Variants in DGKI observed in about 807,000 individuals in gnomAD.
DGKI encodes DAG kinase iota.
DGKI carries 55 observed loss-of-function variants against 147.5 expected under a neutral mutation model. The ratio of observed to expected loss-of-function variants is 0.37; its 90% CI spans 0.30 to 0.47. The LOEUF is 0.47. DGKI is among the 20% of genes least tolerant of loss of function. The pLI, the probability that DGKI is intolerant of heterozygous loss-of-function variation, is 1.00. For synonymous variants in DGKI, 469 were observed against 477.1 expected (o/e 0.98, Z 0.22); for missense variants, 1,007 against 1,323.8 (o/e 0.76, Z 3.71).
intron 1 of DGKI, among the ~76,000 whole-genome samples, chr7:137,730,956 C>T (rs1361533931): frequency 9.2e-5 from 14 of 152,062 alleles, no homozygotes; most frequent in Admixed American, 5.9e-4. Context: ...CTTCCAAGGG[C>T]TTCTCATTTC....
chr7:137,612,736 A>G (rs1196689050), intron 8 of DGKI, among the ~76,000 whole-genome samples: 1 of 152,128 alleles, frequency 6.6e-6, no homozygotes, highest in East Asian at 1.9e-4. Flanking sequence ...GATATATGCA[A>G]GAAACCTGTA....
chr7:137,603,425 A>G (rs1016627361), intron 10 of DGKI, among the ~76,000 whole-genome samples: 12 of 152,214 alleles, frequency 7.9e-5, no homozygotes, highest in African/African-American at 2.9e-4. Context: ...AAATACATTA[A>G]TGAGAGGAAG....
chr7:137,534,654 TA>T (rs948589157), intron 20 of DGKI, among the ~76,000 whole-genome samples: 2 of 152,054 alleles, frequency 1.3e-5, no homozygotes, highest in African/African-American at 4.8e-5. Flanking sequence ...TACCCTTTAA[TA>T]AAAAAATATT....
intron 32 of DGKI, among the ~76,000 whole-genome samples, chr7:137,393,444 G>C (rs13222414): frequency 0.28 from 43,219 of 151,944 alleles, 7,052 homozygotes; most frequent in Admixed American, 0.36. Flanking sequence ...CCTTTGTGTG[G>C]TAAAGAGGCA....
chr7:137,647,225 T>C (rs1821857419), intron 5 of DGKI, among the ~76,000 whole-genome samples: 1 of 152,220 alleles, frequency 6.6e-6, no homozygotes, highest in Non-Finnish European at 1.5e-5. Flanking sequence ...TGCCACTTAG[T>C]TGGAATATAT....
At chr7:137,406,732 C>T (rs1811961846) in intron 30 of DGKI, among the ~76,000 whole-genome samples, 1 of 152,128 alleles carries the variant, frequency 6.6e-6, no homozygotes, top group Admixed American at 6.5e-5. Flanking sequence ...GGACTTAAAA[C>T]AGCTCCATAT....
rs184990116 is a variant in DGKI, at chr7:137,610,904, T to G, written c.994-1295A>C. 5.9e-5 allele frequency among the ~76,000 whole-genome samples: 9 copies of G among 152,322 alleles called. No homozygotes were observed. In the East Asian group the frequency reaches 1.7e-3, roughly 29 times the overall value. On this transcript the variant is annotated intron_variant, in intron 8 of 32. Transcript: ENST00000614521. ...AGGGAAATTTTCAAGAACTACCATC[T>G]GTCCCAAGGTTTTCTTTCCCATCAG... is the stretch of plus-strand genomic sequence containing the variant.
chr7:137,771,603 T>C (rs759884667), intron 1 of DGKI: 1 of 152,242 alleles, frequency 6.6e-6, no homozygotes, highest in Non-Finnish European at 1.5e-5. Flanking sequence ...TGCATCTTTA[T>C]CTCAATAATA....
chr7:137,609,623 G>GAGAA lies in DGKI; in HGVS notation c.994-18_994-15dup. ...CTTCAGGGAGTTCTGTAGGGAGAGA[G>GAGAA]AGAAATGCCTGAGCTCAGAGGCAGC... On this transcript the variant is annotated splice_polypyrimidine_tract_variant and intron_variant, in intron 8 of 32. Transcript: ENST00000614521. The GAGAA allele has an allele frequency of 6.2e-7, 1 of 1,606,800 alleles. No homozygotes were observed. The highest frequency in any genetic ancestry group is 1.1e-5 in the South Asian group (1 of 90,762).
At chr7:137,437,922 C>G (rs2128914396) in intron 28 of DGKI, among the ~76,000 whole-genome samples, 1 of 152,222 alleles carries the variant, frequency 6.6e-6, no homozygotes, top group East Asian at 1.9e-4. Flanking sequence ...TGACCTTTAT[C>G]TCTTACCAAA....
intron 19 of DGKI, among the ~76,000 whole-genome samples, chr7:137,554,099 C>G (rs1351690335): frequency 6.6e-6 from 1 of 152,212 alleles, no homozygotes; most frequent in Non-Finnish European, 1.5e-5. Flanking sequence ...AATGCCGCCC[C>G]TACCGGCATT....
At position 137,458,414 on chromosome 7, in the gene DGKI, G is replaced by T. The variant is rs371057861; in HGVS notation, c.2735+5075C>A. On this transcript the variant is annotated intron_variant, in intron 27 of 32. Coordinates refer to ENST00000614521, the MANE Select transcript of DGKI (RefSeq NM_001321708.2). ...TCTAGTGGCAAGATATTATTTGTGT[G>T]ACAGTCCATTTTAGTTCTTTCAGGA... 4.5e-4 allele frequency among the ~76,000 whole-genome samples: 68 copies of T among 152,140 alleles called. 1 individual carries two copies. Among genetic ancestry groups the T allele is most frequent in the Admixed American group, 4.5e-3 (68 of 15,274 alleles).
rs1479802007 is a variant in DGKI, at chr7:137,385,131, T to C, written c.*6089A>G. 6.6e-6 allele frequency: 1 copy of C among 152,122 alleles called. No individual in the cohort carries two copies. Among genetic ancestry groups the C allele is most frequent in the Non-Finnish European group, 1.5e-5 (1 of 68,000 alleles). 9.4% of individuals were successfully genotyped at this position (152,122 alleles called of 1,614,324 possible). On this transcript the variant is annotated 3_prime_UTR_variant, in exon 33 of 33. Transcript: ENST00000614521. Reference sequence around the variant, plus strand: ...AGTAAGACAGATTTCTAATAGAATTTTACTTGACAATGACTAAGAATACTG... The same window carrying C: ...AGTAAGACAGATTTCTAATAGAATTCTACTTGACAATGACTAAGAATACTG...
chr7:137,394,121 T>C (rs957876052), intron 32 of DGKI, among the ~76,000 whole-genome samples: 7 of 152,156 alleles, frequency 4.6e-5, no homozygotes, highest in Non-Finnish European at 1.0e-4. Context: ...CATTCTTTCC[T>C]GGAGTCTACC....
chr7:137,472,225 A>G (rs1308119525), intron 23 of DGKI, among the ~76,000 whole-genome samples: 3 of 110,594 alleles, frequency 2.7e-5, no homozygotes, highest in Middle Eastern at 0.013. Flanking sequence ...ATATGTATAT[A>G]TACATATAAT....
intron 21 of DGKI, among the ~76,000 whole-genome samples, chr7:137,492,704 C>T (rs1815812680): frequency 6.6e-6 from 1 of 152,102 alleles, no homozygotes. Context: ...ACCAGGGATA[C>T]CCATCCCCAA....
intron 10 of DGKI, among the ~76,000 whole-genome samples, chr7:137,606,159 A>T (rs1820178352): frequency 6.6e-6 from 1 of 152,210 alleles, no homozygotes; most frequent in Non-Finnish European, 1.5e-5. Context: ...ACATAGAAGC[A>T]GTCCTTACAC....
intron 3 of DGKI, among the ~76,000 whole-genome samples, chr7:137,659,665 G>A (rs1291657559): frequency 2.0e-5 from 3 of 152,240 alleles, no homozygotes; most frequent in Non-Finnish European, 4.4e-5. Context: ...GGGAGCAGTG[G>A]CTCATGCCTG....
chr7:137,480,854 G>A (rs1196491612), intron 23 of DGKI, among the ~76,000 whole-genome samples: 2 of 152,090 alleles, frequency 1.3e-5, no homozygotes, highest in Non-Finnish European at 2.9e-5. Flanking sequence ...GGGAAATGGG[G>A]AAACCCAGGG....
Sources: gnomAD v4.1 joint callset for allele counts (sites outside exome capture counted in the v4.1 genomes callset) on GRCh38, gnomAD v4.1.1 for gene constraint, MANE v1.5 for transcripts, NCBI Gene and HGNC (gene_info 2026-07-23, HGNC 2026-07-21) for gene names.